Variants in TYW1B observed in about 807,000 individuals in gnomAD.
TYW1B encodes the protein S-adenosyl-L-methionine-dependent tRNA 4-demethylwyosine synthase TYW1B.
A neutral mutation model predicts 86.9 loss-of-function variants in TYW1B; 73 were observed. That is an observed-to-expected ratio of 0.84 (90% CI 0.70 to 1.02). TYW1B has a LOEUF of 1.02. Among genes scored for constraint, TYW1B ranks in the 50% least tolerant of loss-of-function variants. TYW1B has a pLI of 0.00. For missense variants in TYW1B, 637 were observed against 827.4 expected, an observed-to-expected ratio of 0.77 and a Z score of 2.82; for synonymous variants, 248 against 292.8, an observed-to-expected ratio of 0.85 and a Z score of 1.56.
chr7:72,797,201 C>T (rs1328857735), intron 6 of TYW1B, among the ~76,000 whole-genome samples: 2 of 152,124 alleles, frequency 1.3e-5, no homozygotes, highest in Admixed American at 1.3e-4. Flanking sequence ...AGCTGATCAC[C>T]AGAAAGAAAC....
intron 10 of TYW1B, among the ~76,000 whole-genome samples, chr7:72,703,989 T>C (rs1327654824): frequency 1.8e-4 from 27 of 152,206 alleles, no homozygotes; most frequent in African/African-American, 6.5e-4. Flanking sequence ...TCTACTAATT[T>C]TATCAGTTTG....
intron 10 of TYW1B, among the ~76,000 whole-genome samples, chr7:72,707,055 G>C (rs2129570578): frequency 6.6e-6 from 1 of 152,328 alleles, no homozygotes; most frequent in East Asian, 1.9e-4. Flanking sequence ...AGTGTGGTCT[G>C]TTGTGCTGTA....
intron 7 of TYW1B, among the ~76,000 whole-genome samples, chr7:72,750,270 C>T (rs1239530834): frequency 6.6e-6 from 1 of 152,120 alleles, no homozygotes; most frequent in African/African-American, 2.4e-5. Context: ...AAATTCTTTC[C>T]ATTTTCCTTC....
Position 72,694,828 on chromosome 7 carries a change from T to C in TYW1B, c.1371-6A>G, listed in dbSNP as rs1554451171. 4.4e-6 allele frequency: 7 copies of C among 1,580,772 alleles called. No individual in the cohort carries two copies. The highest frequency in any genetic ancestry group is 1.4e-5 in the African/African-American group (1 of 72,386). Reference sequence around the variant, plus strand: ...GAGTAACTGGCTCGAGGTTCCTTAGTAATTTTTTTTTTTAAAGGAAGAAAG... The same window carrying C: ...GAGTAACTGGCTCGAGGTTCCTTAGCAATTTTTTTTTTTAAAGGAAGAAAG... On this transcript the variant is annotated splice_polypyrimidine_tract_variant and splice_region_variant and intron_variant, in intron 10 of 13. Transcript: ENST00000620995.
In TYW1B at chr7:72,793,974, G is replaced by A. The variant is rs572063581; in HGVS notation, c.846+8426C>T. 3.9e-5 allele frequency among the ~76,000 whole-genome samples: 6 copies of A among 152,258 alleles called. No homozygotes were observed. In the South Asian group the frequency reaches 6.2e-4, roughly 16 times the overall value. ...CAATCCAGCCTCTCAAAGAAGTTGC[G>A]CTGTATCCCCCGCCCTCAGAGGATT... On this transcript the variant is annotated intron_variant, in intron 6 of 13. Transcript: ENST00000620995.
At chr7:72,591,213 A>T (rs1471097906) in intron 13 of TYW1B, among the ~76,000 whole-genome samples, 8 of 152,128 alleles carry the variant, frequency 5.3e-5, no homozygotes, top group African/African-American at 1.9e-4. Context: ...CCATCAAGTG[A>T]ACTGACATTT....
chr7:72,620,077 A>T (rs1393498349), intron 12 of TYW1B, among the ~76,000 whole-genome samples: 2 of 152,112 alleles, frequency 1.3e-5, no homozygotes, highest in Admixed American at 6.6e-5. Context: ...ATTTTCACAT[A>T]AAAGTTCTCA....
chr7:72,576,036 C>T (rs1811014275), intron 13 of TYW1B, among the ~76,000 whole-genome samples: 1 of 152,208 alleles, frequency 6.6e-6, no homozygotes, highest in Non-Finnish European at 1.5e-5. Context: ...GTGACTAATT[C>T]AAACTCATTC....
chr7:72,657,308 G>A (rs1420456100), intron 11 of TYW1B, among the ~76,000 whole-genome samples: 1 of 152,002 alleles, frequency 6.6e-6, no homozygotes, highest in Non-Finnish European at 1.5e-5. Flanking sequence ...TTTTAAAAAA[G>A]ATAATTTAAA....
At chr7:72,824,487 T>A (rs1367883096) in intron 2 of TYW1B, among the ~76,000 whole-genome samples, 2 of 152,076 alleles carry the variant, frequency 1.3e-5, no homozygotes, top group Admixed American at 1.3e-4. Context: ...ACGCCTGTAA[T>A]CCCAGCACTT....
chr7:72,736,986 C>A (rs1250262217), intron 8 of TYW1B, among the ~76,000 whole-genome samples: 6 of 152,140 alleles, frequency 3.9e-5, no homozygotes, highest in African/African-American at 9.7e-5. Context: ...CAAGATCACA[C>A]CACTGCGCTC....
chr7:72,762,736 T>C (rs1554467412), intron 7 of TYW1B, among the ~76,000 whole-genome samples: 1 of 152,178 alleles, frequency 6.6e-6, no homozygotes, highest in Non-Finnish European at 1.5e-5. Context: ...CTTGGCTCAC[T>C]GCAACCTCCG....
chr7:72,648,315 G>C (rs1812979717), intron 11 of TYW1B, among the ~76,000 whole-genome samples: 1 of 151,886 alleles, frequency 6.6e-6, no homozygotes, highest in Non-Finnish European at 1.5e-5. Context: ...GACTAAGGTG[G>C]GCAGATCATC....
At chr7:72,705,749 C>T (rs191453463) in intron 10 of TYW1B, among the ~76,000 whole-genome samples, 1 of 152,130 alleles carries the variant, frequency 6.6e-6, no homozygotes, top group Non-Finnish European at 1.5e-5. Context: ...CAAATGTCCA[C>T]AAGATAAGAA....
intron 6 of TYW1B, among the ~76,000 whole-genome samples, chr7:72,800,635 CAG>C (rs1788387884): frequency 6.8e-6 from 1 of 147,942 alleles, no homozygotes; most frequent in African/African-American, 2.5e-5. Context: ...GCCAGTACTA[CAG>C]TTTTAATTAG....
intron 11 of TYW1B, among the ~76,000 whole-genome samples, chr7:72,691,643 G>C (rs542270231): frequency 6.6e-6 from 1 of 152,284 alleles, no homozygotes; most frequent in South Asian, 2.1e-4. Context: ...AACAATGTCA[G>C]ATGGGCCTGA....
chr7:72,744,703 T>C, intron 7 of TYW1B, 102 bp from the exon 8 acceptor site: 5 of 1,248,376 alleles, frequency 4.0e-6, no homozygotes, highest in South Asian at 1.2e-5. Context: ...TTCGTAACCA[T>C]GAATACTCCT....
intron 13 of TYW1B, among the ~76,000 whole-genome samples, chr7:72,611,229 TC>T (rs1811924958): frequency 6.6e-6 from 1 of 152,182 alleles, no homozygotes; most frequent in South Asian, 2.1e-4. Context: ...ATTCCATTCT[TC>T]CATCATAGCT....
At chr7:72,748,079 G>A (rs1469202203) in intron 7 of TYW1B, among the ~76,000 whole-genome samples, 2 of 152,074 alleles carry the variant, frequency 1.3e-5, no homozygotes, top group African/African-American at 4.8e-5. Context: ...GACCGTCCTG[G>A]CTAACATGGT....
Sources: gnomAD v4.1 joint callset for allele counts (sites outside exome capture counted in the v4.1 genomes callset) on GRCh38, gnomAD v4.1.1 for gene constraint, MANE v1.5 for transcripts, NCBI Gene and HGNC (gene_info 2026-07-23, HGNC 2026-07-21) for gene names.